Variants in ZNF892 observed in about 807,000 individuals in gnomAD.
The protein encoded by ZNF892 is zinc finger protein 892.
chr2:95,238,865 G>A, the ZNF892 span, among the ~76,000 whole-genome samples: 123 of 152,118 alleles, frequency 8.1e-4, 1 homozygote, highest in African/African-American at 2.8e-3. Flanking sequence ...TGGGCCAGGC[G>A]CGGTGGCTCA....
the ZNF892 span, among the ~76,000 whole-genome samples, chr2:95,227,345 G>T: frequency 4.0e-5 from 6 of 151,812 alleles, no homozygotes; most frequent in South Asian, 8.3e-4. Flanking sequence ...ATTTTTTGAG[G>T]CAGAGTTTCA....
At chr2:95,215,518 A>G in the ZNF892 span, 2 of 414,706 alleles carry the variant, frequency 4.8e-6, no homozygotes, top group Non-Finnish European at 8.6e-6. Context: ...CAGAAAACTC[A>G]TGCTGGAGTG....
At chr2:95,220,402 C>T in the ZNF892 span, among the ~76,000 whole-genome samples, 1 of 149,106 alleles carries the variant, frequency 6.7e-6, no homozygotes, top group Non-Finnish European at 1.5e-5. Flanking sequence ...GCCAGCTTCT[C>T]TAGAACCCGA....
the ZNF892 span, among the ~76,000 whole-genome samples, chr2:95,249,229 A>ATT: frequency 5.0e-4 from 35 of 70,626 alleles, no homozygotes; most frequent in Non-Finnish European, 7.0e-4. Flanking sequence ...ATATATATAT[A>ATT]TATTTTTTTT....
At chr2:95,262,084 A>G in the ZNF892 span, among the ~76,000 whole-genome samples, 1 of 152,224 alleles carries the variant, frequency 6.6e-6, no homozygotes, top group Non-Finnish European at 1.5e-5. Flanking sequence ...CAACTTATGG[A>G]TATGTATTTT....
chr2:95,210,364 A>G, the ZNF892 span, among the ~76,000 whole-genome samples: 1,601 of 152,142 alleles, frequency 0.011, 13 homozygotes, highest in Middle Eastern at 0.021. Context: ...TTTTACTCTA[A>G]GTTAAATTGT....
the ZNF892 span, among the ~76,000 whole-genome samples, chr2:95,250,267 T>C: frequency 6.6e-6 from 1 of 152,038 alleles, no homozygotes; most frequent in African/African-American, 2.4e-5. Flanking sequence ...GTAAAGATAA[T>C]ATAAGTTTAC....
At chr2:95,221,208 T>C in the ZNF892 span, among the ~76,000 whole-genome samples, 1 of 152,222 alleles carries the variant, frequency 6.6e-6, no homozygotes, top group South Asian at 2.1e-4. Flanking sequence ...TTAGGTATTA[T>C]TCATATAGTC....
the ZNF892 span, among the ~76,000 whole-genome samples, chr2:95,232,991 T>G: frequency 6.6e-6 from 1 of 152,158 alleles, no homozygotes; most frequent in Non-Finnish European, 1.5e-5. Context: ...CTAGTTAGTT[T>G]GCCTCATTAT....
At chr2:95,224,948 A>G in the ZNF892 span, among the ~76,000 whole-genome samples, 2 of 152,182 alleles carry the variant, frequency 1.3e-5, no homozygotes, top group Non-Finnish European at 2.9e-5. Flanking sequence ...TGGCCATGGA[A>G]TGATGCAGCA....
chr2:95,223,186 A>G, the ZNF892 span, among the ~76,000 whole-genome samples: 4 of 152,082 alleles, frequency 2.6e-5, no homozygotes, highest in Non-Finnish European at 5.9e-5. Context: ...AAGCCCTTCA[A>G]ATTTATTCTT....
the ZNF892 span, among the ~76,000 whole-genome samples, chr2:95,262,078 T>A: frequency 6.6e-6 from 1 of 152,216 alleles, no homozygotes; most frequent in African/African-American, 2.4e-5. Flanking sequence ...ACAACACAAC[T>A]TATGGATATG....
chr2:95,233,056 C>T, the ZNF892 span, among the ~76,000 whole-genome samples: 2 of 152,256 alleles, frequency 1.3e-5, no homozygotes, highest in African/African-American at 4.8e-5. Flanking sequence ...TCCTGAGGGA[C>T]GACTTCAGGT....
the ZNF892 span, among the ~76,000 whole-genome samples, chr2:95,224,156 C>A: frequency 6.6e-6 from 1 of 152,238 alleles, no homozygotes; most frequent in Non-Finnish European, 1.5e-5. Context: ...TGTTTATAAG[C>A]TACTCAGTCT....
the ZNF892 span, among the ~76,000 whole-genome samples, chr2:95,240,420 A>G: frequency 6.6e-6 from 1 of 152,174 alleles, no homozygotes; most frequent in Admixed American, 6.5e-5. Context: ...TCGGGAAACC[A>G]TGCTTCTCCC....
chr2:95,227,060 T>C, the ZNF892 span, among the ~76,000 whole-genome samples: 2 of 152,132 alleles, frequency 1.3e-5, no homozygotes, highest in South Asian at 2.1e-4. Flanking sequence ...TTTATTGATA[T>C]GGCCCTAGAA....
chr2:95,249,890 C>T, the ZNF892 span, among the ~76,000 whole-genome samples: 1 of 152,056 alleles, frequency 6.6e-6, no homozygotes, highest in African/African-American at 2.4e-5. Context: ...CTTAGTAGAA[C>T]TTTAAAGTTT....
At chr2:95,218,998 C>CT in the ZNF892 span, among the ~76,000 whole-genome samples, 4 of 151,624 alleles carry the variant, frequency 2.6e-5, no homozygotes, top group Admixed American at 6.6e-5. Context: ...TGAGCATTTT[C>CT]TTTTTTTTGT....
the ZNF892 span, among the ~76,000 whole-genome samples, chr2:95,257,941 AC>A: frequency 6.6e-6 from 1 of 151,868 alleles, no homozygotes; most frequent in African/African-American, 2.4e-5. Flanking sequence ...GGTGGGAGTG[AC>A]CCTATTTTCC....
Sources: allele counts gnomAD v4.1 joint callset (sites outside exome capture counted in the v4.1 genomes callset), GRCh38; gene constraint gnomAD v4.1.1; transcripts MANE v1.5; gene names NCBI Gene and HGNC (gene_info 2026-07-23, HGNC 2026-07-21).